HSPG2: variants seen among roughly 807,000 people sequenced by gnomAD.
HSPG2 encodes the protein basement membrane-specific heparan sulfate proteoglycan core protein.
HSPG2 carries 278 observed loss-of-function variants against 526.6 expected under a neutral mutation model. The observed-to-expected ratio is 0.53, with a 90% CI of 0.48 to 0.58. The LOEUF (loss-of-function observed/expected upper bound fraction) is 0.58, where lower values mean the gene tolerates loss of function less well. HSPG2 is among the 20% of genes least tolerant of loss of function. The pLI, the probability that HSPG2 is intolerant of heterozygous loss-of-function variation, is 0.00. For synonymous variants in HSPG2, 2,465 were observed against 2,555.4 expected, an observed-to-expected ratio of 0.96 and a Z score of 1.07; for missense variants, 5,354 against 6,099.5, an observed-to-expected ratio of 0.88 and a Z score of 4.07.
Position 21,872,768 on chromosome 1 carries a change from G to C in HSPG2, c.3889-8C>G, listed in dbSNP as rs1315695308. The C allele has an allele frequency of 6.2e-7, 1 of 1,607,406 alleles. No homozygotes were observed. The highest frequency in any genetic ancestry group is 2.2e-5 in the East Asian group (1 of 44,596). On this transcript the variant is annotated splice_polypyrimidine_tract_variant and splice_region_variant and intron_variant, in intron 31 of 96. Transcript: ENST00000374695. This position sits in a 1 kb window ranked among gnomAD's most constrained non-coding sequence, Gnocchi z 5.5. Reference sequence around the variant, plus strand: ...GAGGCCTTCCACCTGGGCCTGGGTAGACGGATGGAAGGAGGCAGGCAGGGG... The same window carrying C: ...GAGGCCTTCCACCTGGGCCTGGGTACACGGATGGAAGGAGGCAGGCAGGGG...
intron 1 of HSPG2, among the ~76,000 whole-genome samples, chr1:21,935,233 A>G (rs1644458776): frequency 6.6e-6 from 1 of 152,186 alleles, no homozygotes; most frequent in Admixed American, 6.5e-5. Context: ...GAATTTTATA[A>G]AGAGACTTCA....
chr1:21,833,040 G>T lies in HSPG2; in HGVS notation c.11095+228C>A. 2 of 603,854 alleles carry T rather than the reference G, an allele frequency of 3.3e-6. 1 individual carries two copies. The highest frequency in any genetic ancestry group is 6.0e-6 in the Non-Finnish European group (2 of 333,642). 37.4% of individuals were successfully genotyped at this position (603,854 alleles called of 1,614,324 possible). On this transcript the variant is annotated intron_variant, in intron 80 of 96. Transcript: ENST00000374695. ...GGGGTGATGCCCCGGTGGCAGAGGAGCCACGAGGAGGCTGGAGATATCACA... is the reference window on the plus strand; with the variant it reads ...GGGGTGATGCCCCGGTGGCAGAGGATCCACGAGGAGGCTGGAGATATCACA...
intron 1 of HSPG2, among the ~76,000 whole-genome samples, chr1:21,911,910 A>G (rs1643703888): frequency 6.6e-6 from 1 of 152,138 alleles, no homozygotes; most frequent in South Asian, 2.1e-4. Flanking sequence ...CATACCCATA[A>G]TTACAACTGA....
rs1642517134 is a variant in HSPG2, at chr1:21,893,538, G to C, written c.244+2384C>G. Among the ~76,000 whole-genome samples the C allele has an allele frequency of 6.6e-6, 1 of 152,080 alleles. No individual in the cohort carries two copies. Among genetic ancestry groups the C allele is most frequent in the Non-Finnish European group, 1.5e-5 (1 of 67,996 alleles). On this transcript the variant is annotated intron_variant, in intron 3 of 96. Transcript: ENST00000374695. This position sits in a 1 kb window ranked among gnomAD's most constrained non-coding sequence, Gnocchi z 4.3. ...AGAGTGGGGAGAGAGGATGGGGAGG[G>C]AGGCAGAGGGAGAGCAGCGCTCCCA...
At position 21,854,836 on chromosome 1, in the gene HSPG2, G is replaced by A. The variant is rs1330380330; in HGVS notation, c.6133+12C>T. Reference sequence around the variant, plus strand: ...TGCCCTCCCCACCCCTCCATTCCCAGAGAGTCCGTACCTGAAAGGACAACC... The same window carrying A: ...TGCCCTCCCCACCCCTCCATTCCCAAAGAGTCCGTACCTGAAAGGACAACC... On this transcript the variant is annotated intron_variant, in intron 48 of 96. Transcript: ENST00000374695. The A allele has an allele frequency of 1.5e-5, 24 of 1,613,538 alleles. No individual in the cohort carries two copies. Among genetic ancestry groups the A allele is most frequent in the Non-Finnish European group, 1.9e-5 (23 of 1,179,844 alleles).
Position 21,862,098 on chromosome 1 carries a change from G to A in HSPG2, c.4758C>T (p.Ala1586=), listed in dbSNP as rs374708543. ...TGACSQCQHN[A]AGEFCELCAP... ...CACAAAGCTCGCAGAACTCCCCTGC[G>A]GCGTTGTGCTGGCATTGCTGCAGGG... The change falls in exon 38 of 97, where the codon GCC becomes GCT. Residue 1586 remains alanine, a synonymous_variant. Transcript: ENST00000374695. 1.0e-4 allele frequency: 166 copies of A among 1,613,150 alleles called. 1 individual carries two copies. Among genetic ancestry groups the A allele is most frequent in the Non-Finnish European group, 1.3e-4 (157 of 1,180,038 alleles).
intron 57 of HSPG2, 116 bp from the exon 58 acceptor site, chr1:21,849,147 A>G: frequency 7.8e-7 from 1 of 1,282,290 alleles, no homozygotes; most frequent in Admixed American, 2.0e-5. Context: ...CTCGATGGAA[A>G]CTCTTCCAGG....
intron 1 of HSPG2, among the ~76,000 whole-genome samples, chr1:21,900,462 G>A (rs1643038057): frequency 6.6e-6 from 1 of 152,146 alleles, no homozygotes. Flanking sequence ...TGAGAACGAG[G>A]GTCACATGGA....
chr1:21,823,326 C>T lies in HSPG2; in HGVS notation c.13166G>A (p.Cys4389Tyr). 6.5e-7 allele frequency: 1 copy of T among 1,538,102 alleles called. No individual in the cohort carries two copies. Among genetic ancestry groups the T allele is most frequent in the Non-Finnish European group, 8.7e-7 (1 of 1,144,136 alleles). ...RAQAGANTRP[C>Y]PS Reference sequence around the variant, plus strand: ...GGGGCAGGCAGGTGCCTACGAGGGGCAGGGGCGTGTGTTGGCCCCGGCCTG... The same window carrying T: ...GGGGCAGGCAGGTGCCTACGAGGGGTAGGGGCGTGTGTTGGCCCCGGCCTG... Residue 4389 changes from cysteine (C) to tyrosine (Y), a missense_variant, in exon 97 of 97, where the codon TGC (cysteine) becomes TAC (tyrosine). Transcript: ENST00000374695.
At chr1:21,882,654 T>A (rs1470937610) in intron 13 of HSPG2, among the ~76,000 whole-genome samples, 1 of 152,120 alleles carries the variant, frequency 6.6e-6, no homozygotes, top group Non-Finnish European at 1.5e-5. Flanking sequence ...TGGAGACATG[T>A]CTTGTGCTGC....
chr1:21,893,909 G>A lies in HSPG2; in HGVS notation c.244+2013C>T, dbSNP rs1642556972. ...AAAGAACAGGCAGAGGGGAGAGAGG[G>A]AAAGACAGAGGGCGACAGAAGCAGA... On this transcript the variant is annotated intron_variant, in intron 3 of 96. Coordinates refer to ENST00000374695, the MANE Select transcript of HSPG2 (RefSeq NM_005529.7). This position sits in a 1 kb window ranked among gnomAD's most constrained non-coding sequence, Gnocchi z 4.3. Among the ~76,000 whole-genome samples the A allele has an allele frequency of 6.6e-6, 1 of 151,338 alleles. No individual in the cohort carries two copies. The highest frequency in any genetic ancestry group is 6.6e-5 in the Admixed American group (1 of 15,224).
rs1231699376 is a variant in HSPG2, at chr1:21,878,999, G to A, written c.2466C>T (p.Ser822=). 4 of 1,613,832 alleles carry A rather than the reference G, an allele frequency of 2.5e-6. No homozygotes were observed. The highest frequency in any genetic ancestry group is 2.2e-5 in the East Asian group (1 of 44,872). ...GACCCGGAGCTGGGGCTGACCTGCG[G>A]GAGGCATCGATGTATGGGCAAGGGC... is the stretch of plus-strand genomic sequence containing the variant. ...RPCPCPYIDA[S]RRFSDTCFLD... The change falls in exon 18 of 97, where the codon TCC becomes TCT. Residue 822 remains serine, a synonymous_variant. Transcript: ENST00000374695.
Position 21,839,375 on chromosome 1 carries a change from C to T in HSPG2, c.9885G>A (p.Val3295=). ...GHAEATIILH[V]ESPPYATTVP... ...AAAGAAGGGATGAGGCCTTACTCTC[C>T]ACGTGCAGGATGATGGTGGCCTCAG... The change falls in exon 73 of 97, where the codon GTG becomes GTA. Residue 3295 remains valine (V), a synonymous_variant. Coordinates refer to ENST00000374695, the MANE Select transcript of HSPG2 (RefSeq NM_005529.7). This position sits in a 1 kb window ranked among gnomAD's most constrained non-coding sequence, Gnocchi z 4.5. The T allele has an allele frequency of 6.2e-7, 1 of 1,612,362 alleles. No individual in the cohort carries two copies. Among genetic ancestry groups the T allele is most frequent in the East Asian group, 2.2e-5 (1 of 44,876 alleles).
At position 21,837,019 on chromosome 1, in the gene HSPG2, G is replaced by T; in HGVS notation, c.10151-13C>A. 6.5e-7 allele frequency: 1 copy of T among 1,544,792 alleles called. No individual in the cohort carries two copies. Among genetic ancestry groups the T allele is most frequent in the South Asian group, 1.2e-5 (1 of 84,058 alleles). ...GAGCCGGGAGGGCCTGCGGGGACAT[G>T]TATGAGGTTCTGCAGGTATATGTGT... On this transcript the variant is annotated splice_polypyrimidine_tract_variant and intron_variant, in intron 74 of 96. Coordinates refer to ENST00000374695, the MANE Select transcript of HSPG2 (RefSeq NM_005529.7).
intron 9 of HSPG2, 114 bp from the exon 10 acceptor site, chr1:21,885,565 T>A: frequency 2.5e-6 from 3 of 1,208,572 alleles, no homozygotes; most frequent in Non-Finnish European, 3.5e-6. Context: ...TCGCCATGCC[T>A]AGCCCCTGCT....
chr1:21,856,721 C>T (rs1358147389), intron 44 of HSPG2, among the ~76,000 whole-genome samples: 1 of 152,156 alleles, frequency 6.6e-6, no homozygotes, highest in Non-Finnish European at 1.5e-5. Context: ...CTGGCCTTCT[C>T]CCACCTTGTT....
Position 21,872,863 on chromosome 1 carries a change from C to T in HSPG2, c.3889-103G>A, listed in dbSNP as rs778326834. 2 of 1,548,472 alleles carry T rather than the reference C, an allele frequency of 1.3e-6. No individual in the cohort carries two copies. The highest frequency in any genetic ancestry group is 1.7e-4 in the Middle Eastern group (1 of 5,960). On this transcript the variant is annotated intron_variant, in intron 31 of 96. Coordinates refer to ENST00000374695, the MANE Select transcript of HSPG2 (RefSeq NM_005529.7). The surrounding 1 kb of genome is among the most constrained non-coding windows in gnomAD (Gnocchi z 5.5). ...CCTGGCCACTTCCAGCAGCCCCGGG[C>T]AGCCCCTGCCCTGTCCCCCATGCCC...
At chr1:21,860,706 C>T (rs985438733) in intron 39 of HSPG2, among the ~76,000 whole-genome samples, 4 of 152,182 alleles carry the variant, frequency 2.6e-5, no homozygotes, top group Middle Eastern at 3.4e-3. Flanking sequence ...AGGATGGTCT[C>T]GATCTCCTGA....
rs952847115 is a variant in HSPG2 at position 21,848,011 on chromosome 1, C to A, written c.7820G>T (p.Gly2607Val). The A allele has an allele frequency of 6.2e-7, 1 of 1,613,538 alleles. No homozygotes were observed. The highest frequency in any genetic ancestry group is 8.5e-7 in the Non-Finnish European group (1 of 1,179,972). The change falls in exon 60 of 97, where the codon GGC (glycine) becomes GTC (valine). Residue 2607 changes from glycine (G) to valine (V), a missense_variant. Physicochemically the swap from Gly to Val is moderately radical, Grantham distance 109. Transcript: ENST00000374695. This position sits in a 1 kb window ranked among gnomAD's most constrained non-coding sequence, Gnocchi z 4.9. ...GACGATGAGCGAGGTCTCCCGGGAG[C>A]CTGCACCGTTACTGACGTGACACAC... ...EYVCHVSNGAGSRETSLIVTI... is the reference protein window; with the variant it reads ...EYVCHVSNGAVSRETSLIVTI...
Sources: allele counts gnomAD v4.1 joint callset (sites outside exome capture counted in the v4.1 genomes callset), GRCh38; gene constraint gnomAD v4.1.1; non-coding constraint Gnocchi (gnomAD v3.1); transcripts MANE v1.5; gene names NCBI Gene and HGNC (gene_info 2026-07-23, HGNC 2026-07-21).